Variants in JARID2 observed in about 807,000 individuals in gnomAD.
JARID2 encodes the protein jumonji and AT-rich interaction domain containing 2.
A neutral mutation model predicts 125.6 loss-of-function variants in JARID2; 21 were observed. The ratio of observed to expected loss-of-function variants is 0.17; its 90% CI spans 0.12 to 0.24. The LOEUF (loss-of-function observed/expected upper bound fraction) is 0.24. Ranked by LOEUF, JARID2 falls within the 10% of genes least tolerant of loss-of-function variation. The probability of loss-of-function intolerance (pLI) is 1.00; values close to 1 mark genes in which losing one functional copy is unlikely to be tolerated. For missense variants in JARID2, 1,303 were observed against 1,639.6 expected, an observed-to-expected ratio of 0.79 and a Z score of 3.55; for synonymous variants, 736 against 661.6, an observed-to-expected ratio of 1.11 and a Z score of -1.73.
intron 3 of JARID2, among the ~76,000 whole-genome samples, chr6:15,415,751 C>T (rs1487834212): frequency 1.4e-5 from 2 of 146,284 alleles, no homozygotes; most frequent in African/African-American, 5.1e-5. Context: ...GGGCTCCTCG[C>T]TTCCCAGTAG....
chr6:15,518,550 C>T (rs572682303), intron 17 of JARID2, among the ~76,000 whole-genome samples: 77 of 152,284 alleles, frequency 5.1e-4, no homozygotes, highest in African/African-American at 1.5e-3. Context: ...GGCGTGATCT[C>T]GGCCCACTGC....
chr6:15,495,245 G>T (rs1331656644), intron 6 of JARID2, among the ~76,000 whole-genome samples: 3 of 152,192 alleles, frequency 2.0e-5, no homozygotes, highest in Non-Finnish European at 4.4e-5. Context: ...GCTGACGTTT[G>T]TGTGTCCCAA....
intron 2 of JARID2, among the ~76,000 whole-genome samples, chr6:15,384,519 C>T (rs1197022190): frequency 2.0e-5 from 3 of 152,040 alleles, no homozygotes; most frequent in African/African-American, 7.3e-5. Context: ...GTTTTGGTGG[C>T]CAAAACCTTG....
In JARID2 at chr6:15,246,932, C is replaced by T. The variant is rs1279419183; in HGVS notation, c.45+348C>T. On this transcript the variant is annotated intron_variant, in intron 1 of 17. Transcript: ENST00000341776. ...CAAGCGGATTTGGCCCCGTATTGCA[C>T]TTTGCATGCAAATGAGCCTGTGTTA... Among the ~76,000 whole-genome samples, 8 of 152,288 alleles carry T rather than the reference C, an allele frequency of 5.3e-5. No individual in the cohort carries two copies. In the East Asian group the frequency reaches 1.5e-3, roughly 29 times the overall value.
Position 15,520,402 on chromosome 6 carries a change from T to TA in JARID2, c.*154dup. 1 of 623,752 alleles carries TA rather than the reference T, an allele frequency of 1.6e-6. No individual in the cohort carries two copies. The highest frequency in any genetic ancestry group is 2.6e-6 in the Non-Finnish European group (1 of 390,702). 38.6% of individuals were successfully genotyped at this position (623,752 alleles called of 1,614,324 possible). On this transcript the variant is annotated 3_prime_UTR_variant, in exon 18 of 18. Coordinates refer to ENST00000341776, the MANE Select transcript of JARID2 (RefSeq NM_004973.4). ...TAGAGAACTAATTTTGTTTTAGCAT[T>TA]AAACTGTTGAACTTTTTTTTGTACT...
intron 2 of JARID2, among the ~76,000 whole-genome samples, chr6:15,379,705 A>G (rs777908157): frequency 2.6e-5 from 4 of 152,182 alleles, no homozygotes; most frequent in Non-Finnish European, 5.9e-5. Flanking sequence ...TTATTGTTCT[A>G]GTACTTTAGC....
At chr6:15,467,518 A>G (rs888256015) in intron 4 of JARID2, among the ~76,000 whole-genome samples, 3 of 148,112 alleles carry the variant, frequency 2.0e-5, no homozygotes, top group African/African-American at 5.0e-5. Context: ...AAGAGGAACT[A>G]TATTGTGCTT....
Position 15,487,376 on chromosome 6 carries a change from C to T in JARID2, c.740C>T (p.Thr247Ile). The T allele has an allele frequency of 1.2e-6, 2 of 1,614,240 alleles. No individual in the cohort carries two copies. Among genetic ancestry groups the T allele is most frequent in the African/African-American group, 1.3e-5 (1 of 75,058 alleles). Residue 247 changes from threonine to isoleucine, a missense_variant, in exon 6 of 18, where the codon ACT (threonine) becomes ATT (isoleucine). By Grantham distance (89) the Thr-to-Ile change is moderately conservative (BLOSUM62 -1). Transcript: ENST00000341776. The stretch of plus-strand genomic sequence containing the variant: ...CAAAAACACAAAAGCAAAGAGGCCA[C>T]TCCCGCAAAGGAGAAGCACAGCGAT... ...PVQKHKSKEA[T>I]PAKEKHSDHR...
intron 16 of JARID2, among the ~76,000 whole-genome samples, chr6:15,516,915 CAG>C (rs761736821): frequency 5.3e-5 from 8 of 152,238 alleles, no homozygotes; most frequent in Admixed American, 1.3e-4. Flanking sequence ...AGGTCTAACT[CAG>C]AGGTGGTCAG....
chr6:15,400,925 C>G (rs1224635646), intron 2 of JARID2: 4 of 1,289,346 alleles, frequency 3.1e-6, no homozygotes, highest in African/African-American at 3.0e-5. Context: ...TCCTCTCTGT[C>G]TCTCTGCAAT....
At chr6:15,347,493 A>G (rs897346613) in intron 1 of JARID2, among the ~76,000 whole-genome samples, 1 of 152,178 alleles carries the variant, frequency 6.6e-6, no homozygotes, top group African/African-American at 2.4e-5. Flanking sequence ...GTTGGTGAGC[A>G]TTTGAGAAAA....
intron 16 of JARID2, among the ~76,000 whole-genome samples, 198 bp downstream of exon 16, chr6:15,513,620 G>C (rs986483812): frequency 9.2e-5 from 14 of 152,220 alleles, no homozygotes; most frequent in Admixed American, 3.9e-4. Context: ...AGGCCACACA[G>C]AGGCTGTCCC....
rs1554114483 is a variant in JARID2 at position 15,246,250 on chromosome 6, T to TTTG, written c.-289_-288insTGT. ...GGGAGTGAAGGGCGTCGGTTTTTTTTTGTGTGTGTGTGTATGTGTTTCGGG... is the reference window on the plus strand; with the variant it reads ...GGGAGTGAAGGGCGTCGGTTTTTTTTTTGTGTGTGTGTGTGTATGTGTTTCGGG... On this transcript the variant is annotated 5_prime_UTR_variant, in exon 1 of 18. Coordinates refer to ENST00000341776, the MANE Select transcript of JARID2 (RefSeq NM_004973.4). The TTTG allele has an allele frequency of 8.6e-6, 4 of 464,696 alleles. No individual in the cohort carries two copies. The highest frequency in any genetic ancestry group is 8.2e-5 in the African/African-American group (4 of 48,952). 28.8% of individuals were successfully genotyped at this position (464,696 alleles called of 1,614,324 possible). A position where few individuals can be genotyped will look rare whatever the true frequency, so the allele number is the denominator to read the frequency against.
chr6:15,295,136 T>C (rs1343516920), intron 1 of JARID2, among the ~76,000 whole-genome samples: 1 of 149,614 alleles, frequency 6.7e-6, no homozygotes, highest in Non-Finnish European at 1.5e-5. Flanking sequence ...TTTTTTTTTT[T>C]TTTGAGACGG....
chr6:15,346,385 A>T (rs1269993416), intron 1 of JARID2, among the ~76,000 whole-genome samples: 1 of 152,234 alleles, frequency 6.6e-6, no homozygotes, highest in Non-Finnish European at 1.5e-5. Flanking sequence ...TATATAGTGG[A>T]AGTAATTAAA....
chr6:15,396,821 T>C (rs1355593789), intron 2 of JARID2, among the ~76,000 whole-genome samples: 1 of 152,244 alleles, frequency 6.6e-6, no homozygotes, highest in African/African-American at 2.4e-5. Context: ...TCTTTTTTGA[T>C]AGCTTCTGAA....
intron 1 of JARID2, among the ~76,000 whole-genome samples, chr6:15,371,729 C>CGCAGTA (rs1764178064): frequency 6.6e-6 from 1 of 152,166 alleles, no homozygotes; most frequent in Non-Finnish European, 1.5e-5. Flanking sequence ...GTGACCTACA[C>CGCAGTA]GCAGTAGCAG....
chr6:15,416,313 G>C (rs1281680576), intron 3 of JARID2, among the ~76,000 whole-genome samples: 1 of 152,216 alleles, frequency 6.6e-6, no homozygotes, highest in African/African-American at 2.4e-5. Flanking sequence ...TGCAATCTCG[G>C]CACTTTGGGA....
Position 15,470,768 on chromosome 6 carries a change from G to A in JARID2, c.670+2050G>A, listed in dbSNP as rs563815302. On this transcript the variant is annotated intron_variant, in intron 5 of 17. Coordinates refer to ENST00000341776, the MANE Select transcript of JARID2 (RefSeq NM_004973.4). Reference sequence around the variant, plus strand: ...GCTGCATATGTGAATTGGAATGCAGGTATTAGTGTACGGATGTAATTTCTA... The same window carrying A: ...GCTGCATATGTGAATTGGAATGCAGATATTAGTGTACGGATGTAATTTCTA... 1.5e-4 allele frequency among the ~76,000 whole-genome samples: 23 copies of A among 152,320 alleles called. 1 individual carries two copies. In the South Asian group the frequency reaches 4.8e-3, roughly 32 times the overall value.
Sources: allele counts gnomAD v4.1 joint callset (sites outside exome capture counted in the v4.1 genomes callset), GRCh38; gene constraint gnomAD v4.1.1; transcripts MANE v1.5; gene names NCBI Gene and HGNC (gene_info 2026-07-23, HGNC 2026-07-21).